The following RBFOX1 variants were observed in gnomAD, a reference collection of about 807,000 sequenced individuals.
RBFOX1 encodes RNA binding protein fox-1 homolog 1.
RBFOX1 carries 8 observed loss-of-function variants against 57.7 expected under a neutral mutation model. The ratio of observed to expected loss-of-function variants is 0.14; its 90% CI spans 0.08 to 0.25. RBFOX1 has a LOEUF of 0.25. Ranked by LOEUF, RBFOX1 falls within the 10% of genes least tolerant of loss-of-function variation. RBFOX1 has a pLI of 1.00. For synonymous variants in RBFOX1, 326 were observed against 222.4 expected (o/e 1.47, Z -4.15); for missense variants, 611 against 548.5 (o/e 1.11, Z -1.14).
chr16:5,717,462 T>C (rs1204151294), intron 3 of RBFOX1, among the ~76,000 whole-genome samples: 2 of 152,186 alleles, frequency 1.3e-5, no homozygotes, highest in Non-Finnish European at 2.9e-5. Context: ...ACCCAAGCAG[T>C]GTGCACTGTA....
At chr16:6,838,728 G>T (rs189817123) in intron 3 of RBFOX1, among the ~76,000 whole-genome samples, 2 of 152,098 alleles carry the variant, frequency 1.3e-5, no homozygotes, top group African/African-American at 4.8e-5. Context: ...TCCTGCATCG[G>T]TAATACATTT....
intron 4 of RBFOX1, among the ~76,000 whole-genome samples, chr16:5,881,308 G>T (rs1358672451): frequency 1.3e-5 from 2 of 152,192 alleles, no homozygotes; most frequent in African/African-American, 4.8e-5. Context: ...CCACCTTGTG[G>T]TAGTGATGGC....
chr16:5,458,305 A>T (rs1013727825), intron 1 of RBFOX1, among the ~76,000 whole-genome samples: 1 of 152,104 alleles, frequency 6.6e-6, no homozygotes, highest in African/African-American at 2.4e-5. Flanking sequence ...TCAATGATTT[A>T]TTAGAGCTCA....
chr16:7,415,338 G>T (rs1329269059), intron 4 of RBFOX1, among the ~76,000 whole-genome samples: 1 of 152,186 alleles, frequency 6.6e-6, no homozygotes, highest in African/African-American at 2.4e-5. Context: ...TGTGGAACCA[G>T]ATGGAGTTCT....
Position 5,797,947 on chromosome 16 carries a change from C to T in RBFOX1, c.319-69356C>T, listed in dbSNP as rs188832680. Among the ~76,000 whole-genome samples the T allele has an allele frequency of 5.3e-5, 8 of 152,270 alleles. No homozygotes were observed. In the East Asian group the frequency reaches 1.5e-3, roughly 29 times the overall value. On this transcript the variant is annotated intron_variant, in intron 3 of 19. Coordinates refer to the RBFOX1 transcript ENST00000641259. ...TGGATGGGACACCATAGAAGAGATG[C>T]TCAGTAAATATGCATCATTTATTCT...
At chr16:7,428,467 C>T (rs185256338) in intron 4 of RBFOX1, among the ~76,000 whole-genome samples, 1 of 147,590 alleles carries the variant, frequency 6.8e-6, no homozygotes, top group Non-Finnish European at 1.5e-5. Context: ...GCTGGGATTA[C>T]AGGCATCCAC....
intron 4 of RBFOX1, among the ~76,000 whole-genome samples, chr16:7,310,006 T>G (rs968413946): frequency 5.9e-5 from 9 of 152,204 alleles, no homozygotes; most frequent in Non-Finnish European, 1.2e-4. Flanking sequence ...AAGAGAACTC[T>G]GCCGGGCTGA....
At chr16:6,211,999 A>T (rs940654694) in intron 1 of RBFOX1, among the ~76,000 whole-genome samples, 1 of 152,064 alleles carries the variant, frequency 6.6e-6, no homozygotes, top group African/African-American at 2.4e-5. Flanking sequence ...ACAGGCACAC[A>T]GCGCCATGCC....
intron 4 of RBFOX1, among the ~76,000 whole-genome samples, chr16:5,956,509 T>G (rs2152283075): frequency 6.6e-6 from 1 of 151,606 alleles, no homozygotes; most frequent in South Asian, 2.1e-4. Flanking sequence ...CTGTTAAAAA[T>G]GCAAATCACT....
At chr16:5,501,316 T>TAAAAA (rs2043187000) in intron 2 of RBFOX1, among the ~76,000 whole-genome samples, 1 of 26,402 alleles carries the variant, frequency 3.8e-5, no homozygotes, top group Non-Finnish European at 6.2e-5. Flanking sequence ...AGACTCTGTC[T>TAAAAA]ACAAAAAAAA....
intron 3 of RBFOX1, among the ~76,000 whole-genome samples, chr16:6,873,194 G>A (rs150844221): frequency 3.3e-4 from 50 of 151,486 alleles, no homozygotes; most frequent in Non-Finnish European, 5.9e-4. Context: ...AATAAACGAG[G>A]AGTAGAGATT....
chr16:5,841,512 T>A (rs2056625249), intron 3 of RBFOX1, among the ~76,000 whole-genome samples: 1 of 152,106 alleles, frequency 6.6e-6, no homozygotes, highest in South Asian at 2.1e-4. Flanking sequence ...AAATACAGGG[T>A]GCCCAGTAAC....
At chr16:5,504,002 G>A (rs1232920948) in intron 2 of RBFOX1, among the ~76,000 whole-genome samples, 2 of 152,158 alleles carry the variant, frequency 1.3e-5, no homozygotes, top group Non-Finnish European at 2.9e-5. Flanking sequence ...GGTGAGGAGA[G>A]CTGGCTTACC....
At chr16:6,311,782 G>A (rs1300641846) in intron 1 of RBFOX1, among the ~76,000 whole-genome samples, 1 of 152,094 alleles carries the variant, frequency 6.6e-6, no homozygotes, top group Non-Finnish European at 1.5e-5. Context: ...CATGGGGAGG[G>A]CTTCTATCTC....
At chr16:6,794,461 G>A (rs1236016690) in intron 3 of RBFOX1, among the ~76,000 whole-genome samples, 1 of 152,042 alleles carries the variant, frequency 6.6e-6, no homozygotes, top group East Asian at 1.9e-4. Context: ...GGAGGGATGG[G>A]AGAGAAGTTT....
At chr16:7,495,270 G>A (rs1015608385) in intron 4 of RBFOX1, among the ~76,000 whole-genome samples, 1 of 152,174 alleles carries the variant, frequency 6.6e-6, no homozygotes, top group African/African-American at 2.4e-5. Flanking sequence ...ATATTACAGT[G>A]ATTAACATAC....
intron 2 of RBFOX1, among the ~76,000 whole-genome samples, chr16:5,508,725 G>A (rs1025110393): frequency 6.6e-6 from 1 of 152,130 alleles, no homozygotes; most frequent in Non-Finnish European, 1.5e-5. Flanking sequence ...AGGTGGGGCG[G>A]GGGAGATTGC....
intron 3 of RBFOX1, among the ~76,000 whole-genome samples, chr16:5,845,952 T>A (rs896141146): frequency 6.6e-6 from 1 of 152,054 alleles, no homozygotes; most frequent in Non-Finnish European, 1.5e-5. Context: ...GTGGGCAGAT[T>A]ACTTGAGGTC....
intron 10 of RBFOX1, among the ~76,000 whole-genome samples, chr16:7,628,574 G>A (rs1409010017): frequency 6.6e-6 from 1 of 152,084 alleles, no homozygotes; most frequent in East Asian, 1.9e-4. Flanking sequence ...AATACCTGAG[G>A]CGAGGTTAAA....
Sources: gnomAD v4.1 joint callset for allele counts (sites outside exome capture counted in the v4.1 genomes callset) on GRCh38, gnomAD v4.1.1 for gene constraint, MANE v1.5 for transcripts, NCBI Gene and HGNC (gene_info 2026-07-23, HGNC 2026-07-21) for gene names.